DNHD1: variants seen among roughly 807,000 people sequenced by gnomAD.
DNHD1 encodes the protein dynein heavy chain domain 1, also known as dynein heavy chain domain-containing protein 1.
Under a neutral mutation model 458.1 loss-of-function variants are expected in DNHD1, and 383 were observed. The ratio of observed to expected loss-of-function variants is 0.84; its 90% confidence interval spans 0.77 to 0.91. The LOEUF is 0.91. Ranked by LOEUF, DNHD1 falls within the 40% of genes least tolerant of loss-of-function variation. The pLI, the probability that DNHD1 is intolerant of heterozygous loss-of-function variation, is 0.00. For synonymous variants in DNHD1, 2,203 were observed against 2,376.9 expected, an observed-to-expected ratio of 0.93 and a Z score of 2.13; for missense variants, 5,336 against 5,866.1, an observed-to-expected ratio of 0.91 and a Z score of 2.95.
Position 6,517,577 on chromosome 11 carries a change from G to A in DNHD1, c.1393-2023G>A, listed in dbSNP as rs146115841. Among the ~76,000 whole-genome samples, 1,155 of 146,482 alleles carry A rather than the reference G, an allele frequency of 7.9e-3. 14 individuals carry two copies. Among genetic ancestry groups the A allele is most frequent in the Middle Eastern group, 0.029 (8 of 276 alleles). On this transcript the variant is annotated intron_variant, in intron 7 of 42. Transcript: ENST00000254579. ...GAAATAATGCCATTAGTGACAACACGTATGAACCTGGGGACATTATGCTAA... is the reference window on the plus strand; with the variant it reads ...GAAATAATGCCATTAGTGACAACACATATGAACCTGGGGACATTATGCTAA...
Position 6,564,722 on chromosome 11 carries a change from C to T in DNHD1, c.10674C>T (p.Pro3558=), listed in dbSNP as rs1351974349. ...SSCRWPLLLD[P]SNEALIWLDP... is the part of the protein sequence containing the mutation. ...GCCGTTGGCCTCTGCTGCTTGACCC[C>T]AGCAACGAGGCCCTCATCTGGTTGG... is the stretch of plus-strand genomic sequence containing the variant. The change falls in exon 32 of 43, where the codon CCC becomes CCT. Residue 3558 remains proline (P), a synonymous_variant. Transcript: ENST00000254579. 1.2e-5 allele frequency: 19 copies of T among 1,550,052 alleles called. No individual in the cohort carries two copies. Among genetic ancestry groups the T allele is most frequent in the Non-Finnish European group, 1.6e-5 (18 of 1,145,864 alleles).
Position 6,571,027 on chromosome 11 carries a change from C to G in DNHD1, c.13515C>G (p.Cys4505Trp). The change falls in exon 42 of 43, where the codon TGC (cysteine) becomes TGG (tryptophan). Residue 4505 changes from cysteine (C) to tryptophan (W), a missense_variant. Coordinates refer to ENST00000254579, the MANE Select transcript of DNHD1 (RefSeq NM_144666.3). This position sits in a 1 kb window ranked among gnomAD's most constrained non-coding sequence, Gnocchi z 5.0. Reference protein sequence around the residue: ...LVGTLQRDLDCLLQQLKGAPP... With the variant: ...LVGTLQRDLDWLLQQLKGAPP... ...GCACGCTACAACGCGACCTTGATTG[C>G]CTGTTGCAGCAGCTGAAGGGCGCAC... The G allele has an allele frequency of 1.3e-6, 2 of 1,587,012 alleles. No individual in the cohort carries two copies. Among genetic ancestry groups the G allele is most frequent in the African/African-American group, 1.3e-5 (1 of 74,576 alleles).
intron 28 of DNHD1, 51 bp from the exon 29 acceptor site, chr11:6,562,931 T>G: frequency 6.5e-7 from 1 of 1,530,528 alleles, no homozygotes; most frequent in Non-Finnish European, 8.8e-7. Flanking sequence ...TTCTGGGGTT[T>G]CCCGCGTGGC....
At chr11:6,524,069 T>A (rs1852658866) in intron 10 of DNHD1, among the ~76,000 whole-genome samples, 1 of 152,238 alleles carries the variant, frequency 6.6e-6, no homozygotes, top group Admixed American at 6.5e-5. Context: ...TTGTTTTGTT[T>A]TGTTGGTATG....
chr11:6,534,732 C>T (rs1852907851), intron 14 of DNHD1, among the ~76,000 whole-genome samples: 3 of 152,106 alleles, frequency 2.0e-5, no homozygotes, highest in African/African-American at 7.2e-5. Flanking sequence ...TCTGTGGGCT[C>T]TGGAAGGAGA....
chr11:6,553,205 C>T (rs1853398745), intron 24 of DNHD1, among the ~76,000 whole-genome samples: 4 of 152,152 alleles, frequency 2.6e-5, no homozygotes, highest in Non-Finnish European at 5.9e-5. Flanking sequence ...GCTGACTAAA[C>T]ATTGAAAAAT....
Position 6,545,740 on chromosome 11 carries a change from T to A in DNHD1, c.4801T>A (p.Trp1601Arg). 4 of 1,551,728 alleles carry A rather than the reference T, an allele frequency of 2.6e-6. No individual in the cohort carries two copies. Among genetic ancestry groups the A allele is most frequent in the Non-Finnish European group, 3.5e-6 (4 of 1,147,004 alleles). The change falls in exon 21 of 43, where the codon TGG (tryptophan) becomes AGG (arginine). Residue 1601 changes from tryptophan to arginine, a missense_variant. By Grantham distance (101) the Trp-to-Arg change is moderately radical (BLOSUM62 -3). This residue lies in a region of DNHD1 where 3,932 missense variants were observed against 4,365.6 expected (regional missense o/e 0.90). Coordinates refer to ENST00000254579, the MANE Select transcript of DNHD1 (RefSeq NM_144666.3). This position sits in a 1 kb window ranked among gnomAD's most constrained non-coding sequence, Gnocchi z 4.9. ...HQVSDLTDFH[W>R]VRQLKYHLGS... ...GGTCAGTGATCTCACAGACTTTCAC[T>A]GGGTCCGCCAACTCAAGTATCACTT... is the stretch of plus-strand genomic sequence containing the variant.
At chr11:6,552,491 T>A (rs1182383243) in intron 24 of DNHD1, among the ~76,000 whole-genome samples, 1 of 151,944 alleles carries the variant, frequency 6.6e-6, no homozygotes, top group African/African-American at 2.4e-5. Flanking sequence ...GCCATTGCAC[T>A]CCAGCCTGGG....
chr11:6,507,653 T>C (rs1382302076), intron 4 of DNHD1, among the ~76,000 whole-genome samples: 1 of 152,122 alleles, frequency 6.6e-6, no homozygotes, highest in African/African-American at 2.4e-5. Flanking sequence ...GAAATATCTC[T>C]TGGGAAGAGC....
chr11:6,535,680 T>C (rs1010591782), intron 14 of DNHD1, among the ~76,000 whole-genome samples: 1 of 152,228 alleles, frequency 6.6e-6, no homozygotes, highest in African/African-American at 2.4e-5. Flanking sequence ...TAATAATAAA[T>C]AGATAATGAG....
chr11:6,503,056 T>G, intron 4 of DNHD1, 130 bp downstream of exon 4: 2 of 992,826 alleles, frequency 2.0e-6, no homozygotes, highest in Non-Finnish European at 2.9e-6. Flanking sequence ...CCTCTGACTC[T>G]AGTGTCCCTC....
chr11:6,529,700 C>T (rs1396659668), intron 12 of DNHD1, among the ~76,000 whole-genome samples: 7 of 148,186 alleles, frequency 4.7e-5, no homozygotes, highest in Admixed American at 4.0e-4. Flanking sequence ...AAGGTGCCAC[C>T]TGTACTGGGG....
At position 6,545,457 on chromosome 11, in the gene DNHD1, C is replaced by T; in HGVS notation, c.4518C>T (p.Phe1506=). Reference sequence around the variant, plus strand: ...ACTGGATCGACTTAGTCCAGGCCTTCCCATGGCAGTGTGTGCTGGTGGCAG... The same window carrying T: ...ACTGGATCGACTTAGTCCAGGCCTTTCCATGGCAGTGTGTGCTGGTGGCAG... ...VQHWIDLVQA[F]PWQCVLVAEE... Residue 1506 remains phenylalanine (F), a synonymous_variant, in exon 21 of 43, where the codon TTC becomes TTT. Transcript: ENST00000254579. The surrounding 1 kb of genome is among the most constrained non-coding windows in gnomAD (Gnocchi z 4.9). 6.4e-7 allele frequency: 1 copy of T among 1,551,858 alleles called. No homozygotes were observed. Among genetic ancestry groups the T allele is most frequent in the Middle Eastern group, 1.7e-4 (1 of 5,994 alleles).
chr11:6,541,927 T>G (rs866204870), intron 18 of DNHD1, among the ~76,000 whole-genome samples: 1 of 152,200 alleles, frequency 6.6e-6, no homozygotes, highest in Non-Finnish European at 1.5e-5. Context: ...GCAAGATGTG[T>G]AACTGGTTCA....
At chr11:6,569,156 G>C (rs1044867251) in intron 39 of DNHD1, among the ~76,000 whole-genome samples, 4 of 152,130 alleles carry the variant, frequency 2.6e-5, no homozygotes, top group African/African-American at 9.7e-5. Flanking sequence ...GTTGAGGAGG[G>C]AGAAGTAAGG....
rs755563801 is a variant in DNHD1 at position 6,563,517 on chromosome 11, G to C, written c.9805G>C (p.Gly3269Arg). The C allele has an allele frequency of 9.7e-6, 15 of 1,551,622 alleles. No homozygotes were observed. The highest frequency in any genetic ancestry group is 1.4e-5 in the African/African-American group (1 of 73,052). ...GTGTGACTTGTTCCACCATGAAACA[G>C]GCTGGGCCAGTGCCAAACAGCTGTT... Reference protein sequence around the residue: ...AMCDLFHHETGWASAKQLLCT... With the variant: ...AMCDLFHHETRWASAKQLLCT... Residue 3269 changes from glycine to arginine, a missense_variant, in exon 30 of 43, where the codon GGC becomes CGC. By Grantham distance (125) the Gly-to-Arg change is moderately radical. Around this residue, in one of 4 missense-constraint regions of DNHD1, gnomAD observed 3,932 missense variants for 4,365.6 expected, o/e 0.90. Coordinates refer to ENST00000254579, the MANE Select transcript of DNHD1 (RefSeq NM_144666.3).
chr11:6,530,444 C>T (rs11040910), intron 12 of DNHD1, among the ~76,000 whole-genome samples: 102,814 of 152,080 alleles, frequency 0.68, 34,975 homozygotes, highest in East Asian at 0.86. Context: ...AGGCTCACAG[C>T]GGGGTAGATT....
chr11:6,530,392 T>C (rs985981179), intron 12 of DNHD1, among the ~76,000 whole-genome samples: 7 of 152,162 alleles, frequency 4.6e-5, no homozygotes, highest in Admixed American at 4.6e-4. Flanking sequence ...CTCATGCTAT[T>C]GTGTACTAGC....
rs2134460851 is a variant in DNHD1 at position 6,567,288 on chromosome 11, G to C, written c.11779G>C (p.Gly3927Arg). 1 of 1,614,064 alleles carries C rather than the reference G, an allele frequency of 6.2e-7. No individual in the cohort carries two copies. Among genetic ancestry groups the C allele is most frequent in the East Asian group, 2.2e-5 (1 of 44,886 alleles). ...QLLGSTVTAL[G>R]LTQVPLVGAL... The stretch of plus-strand genomic sequence containing the variant: ...GCTGGGCAGCACCGTGACTGCACTG[G>C]GCCTTACCCAAGTACCCTTGGTGGG... The change falls in exon 36 of 43, where the codon GGC becomes CGC. Residue 3927 changes from glycine to arginine, a missense_variant. By Grantham distance (125) the Gly-to-Arg change is moderately radical. Transcript: ENST00000254579.
Sources: gnomAD v4.1 joint callset for allele counts (sites outside exome capture counted in the v4.1 genomes callset) on GRCh38, gnomAD v4.1.1 for gene constraint, gnomAD v4.1.1 regional missense constraint, Gnocchi (gnomAD v3.1) non-coding constraint, MANE v1.5 for transcripts, NCBI Gene and HGNC (gene_info 2026-07-23, HGNC 2026-07-21) for gene names.